The following LSAMP variants were observed in gnomAD, a reference collection of about 807,000 sequenced individuals.
LSAMP encodes the protein limbic system associated membrane protein.
Under a neutral mutation model 38.6 loss-of-function variants are expected in LSAMP, and 7 were observed. That is an observed-to-expected ratio of 0.18 (90% CI 0.10 to 0.34). The LOEUF (loss-of-function observed/expected upper bound fraction) is 0.34. Ranked by LOEUF, LSAMP falls within the 10% of genes least tolerant of loss-of-function variation. The pLI, the probability that LSAMP is intolerant of heterozygous loss-of-function variation, is 1.00. For missense variants in LSAMP, 313 were observed against 420.0 expected (o/e 0.75, Z 2.23); for synonymous variants, 154 against 166.8 (o/e 0.92, Z 0.59).
chr3:116,179,309 A>C (rs574927929), intron 1 of LSAMP, among the ~76,000 whole-genome samples: 86 of 152,230 alleles, frequency 5.6e-4, no homozygotes, highest in Admixed American at 1.6e-3. Context: ...CACTAGTAAG[A>C]TCACAGGACC....
At chr3:115,933,024 AAG>A (rs1227306764) in intron 3 of LSAMP, among the ~76,000 whole-genome samples, 2 of 152,204 alleles carry the variant, frequency 1.3e-5, no homozygotes, top group Non-Finnish European at 2.9e-5. Flanking sequence ...AGGGGGAAGA[AAG>A]AGAAAATAAA....
intron 3 of LSAMP, among the ~76,000 whole-genome samples, chr3:115,861,135 TTCCTTCC>T (rs1935675318): frequency 3.7e-4 from 2 of 5,450 alleles, no homozygotes; most frequent in Non-Finnish European, 5.9e-4. Context: ...CTTTCTTTCC[TTCCTTCC>T]TTCCTTCCTT....
rs772929545 is a variant in LSAMP at position 116,114,486 on chromosome 3, T to C, written c.156-27930A>G. Among the ~76,000 whole-genome samples the C allele has an allele frequency of 8.0e-4, 120 of 150,612 alleles. 4 individuals are homozygous for C. Among genetic ancestry groups the C allele is most frequent in the Non-Finnish European group, 2.5e-4 (17 of 67,480 alleles). ...ATTATCCCTTATTTCACAAAATGTA[T>C]GCATTCCAGAAATGCTTTTTTTTTT... On this transcript the variant is annotated intron_variant, in intron 1 of 6. Coordinates refer to ENST00000490035, the MANE Select transcript of LSAMP (RefSeq NM_002338.5).
At chr3:116,241,459 G>T (rs1385262434) in intron 1 of LSAMP, among the ~76,000 whole-genome samples, 2 of 151,868 alleles carry the variant, frequency 1.3e-5, no homozygotes, top group Non-Finnish European at 2.9e-5. Context: ...CCAGCTACTC[G>T]GGAGGGTGAG....
At chr3:116,391,938 C>T (rs1382549789) in intron 1 of LSAMP, among the ~76,000 whole-genome samples, 1 of 152,166 alleles carries the variant, frequency 6.6e-6, no homozygotes, top group Non-Finnish European at 1.5e-5. Flanking sequence ...TGACTGCCAA[C>T]CCTGACACTC....
intron 3 of LSAMP, among the ~76,000 whole-genome samples, chr3:115,903,566 C>A (rs1461810533): frequency 6.6e-6 from 1 of 152,152 alleles, no homozygotes; most frequent in Non-Finnish European, 1.5e-5. Context: ...GCATAAAGAA[C>A]CCTCACAGGA....
At chr3:116,184,428 A>C (rs1559774193) in intron 1 of LSAMP, among the ~76,000 whole-genome samples, 1 of 151,976 alleles carries the variant, frequency 6.6e-6, no homozygotes, top group Non-Finnish European at 1.5e-5. Flanking sequence ...TAAGTACAGA[A>C]GTTCACTGTC....
At chr3:115,962,534 A>G (rs527598758) in intron 3 of LSAMP, among the ~76,000 whole-genome samples, 88 of 152,324 alleles carry the variant, frequency 5.8e-4, no homozygotes, top group Non-Finnish European at 1.0e-3. Flanking sequence ...CAATCTCACT[A>G]TCTATTTGCA....
intron 2 of LSAMP, among the ~76,000 whole-genome samples, chr3:116,061,745 TG>T (rs1941598263): frequency 6.6e-6 from 1 of 152,216 alleles, no homozygotes; most frequent in Non-Finnish European, 1.5e-5. Flanking sequence ...GGACAGTTTT[TG>T]TTTTTTTGTT....
chr3:115,851,549 T>G (rs1210223865), intron 4 of LSAMP, among the ~76,000 whole-genome samples: 1 of 152,134 alleles, frequency 6.6e-6, no homozygotes, highest in African/African-American at 2.4e-5. Flanking sequence ...TAGGAAGACA[T>G]GAGATGACAG....
chr3:116,418,654 C>T (rs1281156090), intron 1 of LSAMP, among the ~76,000 whole-genome samples: 1 of 152,154 alleles, frequency 6.6e-6, no homozygotes, highest in Non-Finnish European at 1.5e-5. Context: ...TGTGCATTAA[C>T]AAATTACTTT....
chr3:115,861,316 T>C (rs1935694119), intron 3 of LSAMP, among the ~76,000 whole-genome samples: 1 of 152,102 alleles, frequency 6.6e-6, no homozygotes, highest in Non-Finnish European at 1.5e-5. Flanking sequence ...TTACTCTCAG[T>C]GCCTGTTTCT....
At chr3:116,444,811 AAC>A (rs59857062) in intron 1 of LSAMP, 64 bp downstream of exon 1, 2,616 of 628,678 alleles carry the variant, frequency 4.2e-3, no homozygotes, top group Admixed American at 0.011. Context: ...CACACACACA[AAC>A]ACACACACAC....
chr3:116,118,301 A>ACCTT (rs1254114128), intron 1 of LSAMP, among the ~76,000 whole-genome samples: 1 of 151,910 alleles, frequency 6.6e-6, no homozygotes, highest in Admixed American at 6.6e-5. Context: ...CCCAACCCCA[A>ACCTT]CCTTCCTTCC....
chr3:115,881,013 G>T (rs527937502), intron 3 of LSAMP, among the ~76,000 whole-genome samples: 1 of 122,946 alleles, frequency 8.1e-6, no homozygotes. Context: ...TCCAGCCTGG[G>T]CAATAGAACA....
intron 1 of LSAMP, among the ~76,000 whole-genome samples, chr3:116,237,682 T>C (rs2046483591): frequency 1.3e-5 from 2 of 152,284 alleles, no homozygotes; most frequent in Admixed American, 6.5e-5. Flanking sequence ...CCTTTGTATA[T>C]GAAGAAGTTG....
intron 3 of LSAMP, among the ~76,000 whole-genome samples, chr3:115,994,256 A>G (rs1047370419): frequency 6.6e-6 from 1 of 152,064 alleles, no homozygotes; most frequent in African/African-American, 2.4e-5. Context: ...GGGAGGAACC[A>G]GGATGAAATT....
At chr3:115,924,189 T>C (rs953131845) in intron 3 of LSAMP, among the ~76,000 whole-genome samples, 1 of 152,210 alleles carries the variant, frequency 6.6e-6, no homozygotes, top group Non-Finnish European at 1.5e-5. Flanking sequence ...CTAAAATTTT[T>C]AGCTGGAGTG....
chr3:116,234,543 T>G (rs567237445), intron 1 of LSAMP, among the ~76,000 whole-genome samples: 1 of 152,214 alleles, frequency 6.6e-6, no homozygotes, highest in South Asian at 2.1e-4. Context: ...AGAAAATTAC[T>G]CTTGTTTAAA....
Sources: allele counts gnomAD v4.1 joint callset (sites outside exome capture counted in the v4.1 genomes callset), GRCh38; gene constraint gnomAD v4.1.1; transcripts MANE v1.5; gene names NCBI Gene and HGNC (gene_info 2026-07-23, HGNC 2026-07-21).